Variants in WWOX observed in about 807,000 individuals in gnomAD.
The protein encoded by WWOX is WW domain-containing oxidoreductase.
A neutral mutation model predicts 46.2 loss-of-function variants in WWOX; 69 were observed. The ratio of observed to expected loss-of-function variants is 1.49; its 90% CI spans 1.23 to 1.82. The LOEUF (loss-of-function observed/expected upper bound fraction) is 1.82, where lower values mean the gene tolerates loss of function less well. Among genes scored for constraint, WWOX ranks in the 40% most tolerant of loss-of-function variants. The pLI is 0.00. For synonymous variants in WWOX, 359 were observed against 202.6 expected (o/e 1.77, Z -6.56); for missense variants, 919 against 542.6 (o/e 1.69, Z -6.89).
chr16:79,042,611 A>G (rs899797867), intron 8 of WWOX, among the ~76,000 whole-genome samples: 2 of 152,228 alleles, frequency 1.3e-5, no homozygotes, highest in Non-Finnish European at 2.9e-5. Flanking sequence ...AATTAACTAT[A>G]CATGCAAGCT....
chr16:79,212,454 A>C lies in WWOX; in HGVS notation c.*658A>C. 3.9e-6 allele frequency: 1 copy of C among 253,420 alleles called. No homozygotes were observed. Among genetic ancestry groups the C allele is most frequent in the Non-Finnish European group, 7.6e-6 (1 of 130,990 alleles). The allele number at this position is 253,420 out of a possible 1,614,324, so 15.7% of individuals were successfully genotyped here. ...AAAAATTCTTTAGAGATTATAACAA[A>C]TTTTTCAAATCATTCCTTAGATACC... On this transcript the variant is annotated 3_prime_UTR_variant, in exon 9 of 9. Coordinates refer to ENST00000566780, the MANE Select transcript of WWOX (RefSeq NM_016373.4).
chr16:78,125,406 C>T (rs186010472), intron 4 of WWOX, among the ~76,000 whole-genome samples: 48 of 152,262 alleles, frequency 3.2e-4, no homozygotes, highest in African/African-American at 8.7e-4. Flanking sequence ...TGAGCTCTTT[C>T]TAAGCAGCTC....
At chr16:78,739,565 C>T (rs995615724) in intron 8 of WWOX, among the ~76,000 whole-genome samples, 10 of 152,110 alleles carry the variant, frequency 6.6e-5, no homozygotes, top group Admixed American at 6.5e-4. Flanking sequence ...TAATCCAGCA[C>T]TTTGGGAGGC....
chr16:78,954,360 A>G lies in WWOX; in HGVS notation c.1057-257248A>G, dbSNP rs759193180. On this transcript the variant is annotated intron_variant, in intron 8 of 8. Coordinates refer to ENST00000566780, the MANE Select transcript of WWOX (RefSeq NM_016373.4). ...GATGGTTGGATGGTTGGATAATTGGATGGATGCATGGATGTTTGGGTGGAT... is the reference window on the plus strand; with the variant it reads ...GATGGTTGGATGGTTGGATAATTGGGTGGATGCATGGATGTTTGGGTGGAT... 2.8e-4 allele frequency among the ~76,000 whole-genome samples: 43 copies of G among 152,030 alleles called. 1 individual carries two copies. The highest frequency in any genetic ancestry group is 1.3e-4 in the Non-Finnish European group (9 of 67,972).
At chr16:78,851,739 C>A (rs565885628) in intron 8 of WWOX, among the ~76,000 whole-genome samples, 1 of 152,138 alleles carries the variant, frequency 6.6e-6, no homozygotes, top group South Asian at 2.1e-4. Flanking sequence ...GTGGACCTCC[C>A]CTAAATTTTG....
At chr16:78,365,411 C>T (rs1467049535) in intron 5 of WWOX, among the ~76,000 whole-genome samples, 1 of 152,146 alleles carries the variant, frequency 6.6e-6, no homozygotes. Context: ...CAGGTGCTTG[C>T]TAGGGTTCTT....
In WWOX at chr16:78,766,410, C is replaced by T. The variant is rs139478588; in HGVS notation, c.1056+333658C>T. Among the ~76,000 whole-genome samples the T allele has an allele frequency of 8.5e-3, 1,298 of 152,274 alleles. 14 individuals are homozygous for T. Among genetic ancestry groups the T allele is most frequent in the African/African-American group, 0.03 (1,232 of 41,554 alleles). ...ATGGCTTCAAAACCAGCCTGGGCAA[C>T]ACAGCAAGACCCCACGTCTTAAAAA... On this transcript the variant is annotated intron_variant, in intron 8 of 8. Coordinates refer to ENST00000566780, the MANE Select transcript of WWOX (RefSeq NM_016373.4).
At chr16:78,178,479 C>T (rs1330821418) in intron 5 of WWOX, among the ~76,000 whole-genome samples, 1 of 152,208 alleles carries the variant, frequency 6.6e-6, no homozygotes, top group Admixed American at 6.5e-5. Context: ...GATTCTTCCT[C>T]TTATGGGTAG....
intron 8 of WWOX, among the ~76,000 whole-genome samples, chr16:78,865,784 G>A (rs1004902090): frequency 6.6e-6 from 1 of 152,192 alleles, no homozygotes; most frequent in Admixed American, 6.5e-5. Flanking sequence ...GGAGACGGAG[G>A]CAGGAGAATC....
At chr16:78,466,252 C>T (rs2084075130) in intron 8 of WWOX, among the ~76,000 whole-genome samples, 1 of 151,948 alleles carries the variant, frequency 6.6e-6, no homozygotes, top group African/African-American at 2.4e-5. Flanking sequence ...AGGATGGTCT[C>T]GATCTCCTGA....
intron 8 of WWOX, among the ~76,000 whole-genome samples, chr16:78,968,515 A>G (rs2046408124): frequency 6.6e-6 from 1 of 152,192 alleles, no homozygotes; most frequent in Non-Finnish European, 1.5e-5. Context: ...GTTAACCATC[A>G]CAAGCAACGG....
chr16:78,325,561 T>C (rs138979874), intron 5 of WWOX, among the ~76,000 whole-genome samples: 8 of 152,052 alleles, frequency 5.3e-5, no homozygotes, highest in African/African-American at 1.9e-4. Context: ...TAATCTTCAG[T>C]TAGTGATCTC....
intron 8 of WWOX, among the ~76,000 whole-genome samples, chr16:78,651,856 G>C (rs959315198): frequency 6.6e-6 from 1 of 152,184 alleles, no homozygotes; most frequent in African/African-American, 2.4e-5. Flanking sequence ...CGGAGCCTTA[G>C]TTTTGTCATG....
chr16:78,265,402 C>T (rs1285591401), intron 5 of WWOX, among the ~76,000 whole-genome samples: 2 of 152,134 alleles, frequency 1.3e-5, no homozygotes, highest in Non-Finnish European at 2.9e-5. Context: ...TTGGAACGGG[C>T]AGGCGTGGTG....
chr16:78,635,434 C>T (rs552089706), intron 8 of WWOX, among the ~76,000 whole-genome samples: 1 of 152,128 alleles, frequency 6.6e-6, no homozygotes, highest in African/African-American at 2.4e-5. Context: ...TTGTCCTTGA[C>T]TGGGCAAGAA....
chr16:78,959,436 C>A (rs993088183), intron 8 of WWOX, among the ~76,000 whole-genome samples: 2 of 152,176 alleles, frequency 1.3e-5, no homozygotes, highest in Non-Finnish European at 1.5e-5. Flanking sequence ...ATAACACTAA[C>A]AAGCTAATTC....
At chr16:78,319,745 TTCCA>T (rs1481951661) in intron 5 of WWOX, among the ~76,000 whole-genome samples, 1 of 152,160 alleles carries the variant, frequency 6.6e-6, no homozygotes, top group African/African-American at 2.4e-5. Flanking sequence ...TACAGGACTG[TTCCA>T]TCTGCACCGA....
intron 8 of WWOX, among the ~76,000 whole-genome samples, chr16:78,927,038 C>T (rs2045514447): frequency 6.6e-6 from 1 of 152,168 alleles, no homozygotes; most frequent in African/African-American, 2.4e-5. Flanking sequence ...TCAAGCCATC[C>T]ACCCGCCTTG....
chr16:78,814,632 C>T (rs1367583771), intron 8 of WWOX, among the ~76,000 whole-genome samples: 4 of 152,204 alleles, frequency 2.6e-5, no homozygotes, highest in African/African-American at 9.7e-5. Context: ...TGGTTCTTTT[C>T]TATGGAATCA....
Sources: gnomAD v4.1 joint callset for allele counts (sites outside exome capture counted in the v4.1 genomes callset) on GRCh38, gnomAD v4.1.1 for gene constraint, MANE v1.5 for transcripts, NCBI Gene and HGNC (gene_info 2026-07-23, HGNC 2026-07-21) for gene names.